The following YJEFN3 variants were observed in gnomAD, a reference collection of about 807,000 sequenced individuals.
The protein encoded by YJEFN3 is YjeF N-terminal domain containing 3.
Under a neutral mutation model 31.5 loss-of-function variants are expected in YJEFN3, and 29 were observed. The observed-to-expected ratio is 0.92, with a 90% confidence interval of 0.69 to 1.26. The LOEUF (loss-of-function observed/expected upper bound fraction) is 1.26. Ranked by LOEUF, YJEFN3 falls within the 50% of genes most tolerant of loss-of-function variation. The pLI is 0.00. For missense variants in YJEFN3, 442 were observed against 425.4 expected (o/e 1.04, Z -0.34); for synonymous variants, 227 against 196.1 (o/e 1.16, Z -1.32).
At chr19:19,529,795 T>C (rs997097685) in intron 2 of YJEFN3, among the ~76,000 whole-genome samples, 4 of 151,832 alleles carry the variant, frequency 2.6e-5, no homozygotes, top group African/African-American at 9.7e-5. Flanking sequence ...GTGAGGGGGC[T>C]CTCAGGGGTG....
At chr19:19,530,660 G>A (rs2061146606) in intron 2 of YJEFN3, among the ~76,000 whole-genome samples, 1 of 152,188 alleles carries the variant, frequency 6.6e-6, no homozygotes, top group East Asian at 1.9e-4. Context: ...TCCTCACCCC[G>A]AATGCAAACG....
chr19:19,529,337 C>T (rs1212793742), intron 1 of YJEFN3, 27 bp from the exon 2 acceptor site: 3 of 1,590,966 alleles, frequency 1.9e-6, no homozygotes, highest in Admixed American at 1.8e-5. Flanking sequence ...CCAACCGTGG[C>T]CCACCCCCAC....
chr19:19,533,415 C>T, intron 3 of YJEFN3: 1 of 986,600 alleles, frequency 1.0e-6, no homozygotes, highest in Non-Finnish European at 1.2e-6. Context: ...CTCTTCCTCC[C>T]CTGCCCTCCT....
intron 2 of YJEFN3, among the ~76,000 whole-genome samples, chr19:19,530,028 T>G (rs2061139721): frequency 6.6e-6 from 1 of 152,166 alleles, no homozygotes; most frequent in Non-Finnish European, 1.5e-5. Context: ...GGCCAGGTGA[T>G]CCCCCGTGGT....
intron 1 of YJEFN3, 91 bp downstream of exon 1, chr19:19,529,082 C>G (rs2144651111): frequency 6.6e-7 from 1 of 1,519,924 alleles, no homozygotes; most frequent in South Asian, 1.2e-5. Flanking sequence ...ATAGCTGGGA[C>G]AGAATGGGGT....
At chr19:19,535,740 C>A (rs765539006) in intron 6 of YJEFN3, 61 bp downstream of exon 6, 15 of 1,531,250 alleles carry the variant, frequency 9.8e-6, no homozygotes, top group Non-Finnish European at 1.3e-5. Context: ...GCCCCTGTGC[C>A]CCAGCTCCTG....
intron 2 of YJEFN3, among the ~76,000 whole-genome samples, chr19:19,530,777 A>AT (rs2061147898): frequency 6.6e-6 from 1 of 152,002 alleles, no homozygotes; most frequent in East Asian, 1.9e-4. Flanking sequence ...ACTTCATCCT[A>AT]TGTCAGCTGC....
At chr19:19,536,767 C>T (rs1048000003) in intron 6 of YJEFN3, among the ~76,000 whole-genome samples, 1 of 152,078 alleles carries the variant, frequency 6.6e-6, no homozygotes, top group Non-Finnish European at 1.5e-5. Context: ...GTCAGGAGTT[C>T]GAGACCAGCC....
At position 19,529,207 on chromosome 19, in the gene YJEFN3, C is replaced by T. The variant is rs1483931491; in HGVS notation, c.60-157C>T. On this transcript the variant is annotated intron_variant, in intron 1 of 6. Coordinates refer to ENST00000514277, the MANE Select transcript of YJEFN3 (RefSeq NM_198537.4). ...GACGGGCCTGGGAATCCCGGGAATCCGAGACCCTCCTGGCATCTTGCTGGA... is the reference window on the plus strand; with the variant it reads ...GACGGGCCTGGGAATCCCGGGAATCTGAGACCCTCCTGGCATCTTGCTGGA... 3 of 985,338 alleles carry T rather than the reference C, an allele frequency of 3.0e-6. No individual in the cohort carries two copies. In the Admixed American group the frequency reaches 1.8e-4, roughly 61 times the overall value. 61.0% of individuals were successfully genotyped at this position (985,338 alleles called of 1,614,324 possible).
At chr19:19,531,252 T>C (rs1343078246) in intron 2 of YJEFN3, among the ~76,000 whole-genome samples, 1 of 152,184 alleles carries the variant, frequency 6.6e-6, no homozygotes, top group East Asian at 1.9e-4. Context: ...TAGGTCTGGC[T>C]CTATGTCTTT....
chr19:19,534,938 GCCCCATCC>G lies in YJEFN3; in HGVS notation c.319-94_319-87del. On this transcript the variant is annotated intron_variant, in intron 3 of 6. Coordinates refer to ENST00000514277, the MANE Select transcript of YJEFN3 (RefSeq NM_198537.4). The surrounding 1 kb of genome is among the most constrained non-coding windows in gnomAD (Gnocchi z 4.6). ...CCTATCCTGTTGCCTCCAGGCCCAA[GCCCCATCC>G]CTTCCCCTACTCCGGGCCTCAGTTT... is the stretch of plus-strand genomic sequence containing the variant. The G allele has an allele frequency of 9.0e-7, 1 of 1,110,316 alleles. No homozygotes were observed. The highest frequency in any genetic ancestry group is 1.3e-6 in the Non-Finnish European group (1 of 791,190). 68.8% of individuals were successfully genotyped at this position (1,110,316 alleles called of 1,614,324 possible).
intron 6 of YJEFN3, chr19:19,535,898 T>G (rs1169514971): frequency 3.2e-5 from 21 of 661,742 alleles, no homozygotes; most frequent in Non-Finnish European, 5.3e-5. Context: ...TCCACCCCAG[T>G]GCCCAGCCCA....
Position 19,532,755 on chromosome 19 carries a change from A to G in YJEFN3, c.318+15A>G, listed in dbSNP as rs764444526. On this transcript the variant is annotated intron_variant, in intron 3 of 6. Coordinates refer to ENST00000514277, the MANE Select transcript of YJEFN3 (RefSeq NM_198537.4). ...CTGTGACCAAGGTACCTGACCCCTG[A>G]CCCCCAACCCTGACCCCAACCAGAC... The G allele has an allele frequency of 1.3e-6, 2 of 1,534,616 alleles. No individual in the cohort carries two copies. The highest frequency in any genetic ancestry group is 1.9e-5 in the Admixed American group (1 of 51,634).
chr19:19,529,871 C>T (rs541019954), intron 2 of YJEFN3, among the ~76,000 whole-genome samples: 1 of 152,264 alleles, frequency 6.6e-6, no homozygotes, highest in South Asian at 2.1e-4. Context: ...GCCTCTTAGG[C>T]ATGGTGAGGA....
At chr19:19,529,127 G>A in intron 1 of YJEFN3, 136 bp downstream of exon 1, 1 of 1,476,280 alleles carries the variant, frequency 6.8e-7, no homozygotes, top group Middle Eastern at 2.3e-4. Context: ...CGGGATGGAG[G>A]TTCAACGGCA....
chr19:19,529,306 T>A, intron 1 of YJEFN3, 58 bp from the exon 2 acceptor site: 4 of 1,556,032 alleles, frequency 2.6e-6, no homozygotes, highest in Non-Finnish European at 3.5e-6. Context: ...TCAGCAGCGC[T>A]GGTCGCTCCC....
chr19:19,532,121 C>T (rs926455870), intron 2 of YJEFN3, among the ~76,000 whole-genome samples: 1 of 152,214 alleles, frequency 6.6e-6, no homozygotes, highest in Non-Finnish European at 1.5e-5. Flanking sequence ...CCAAGGCCTC[C>T]CCGCTGAGTG....
In YJEFN3 at chr19:19,529,427, C is replaced by T. The variant is rs772227222; in HGVS notation, c.123C>T (p.Thr41=). ...GAGCGGAGCTTAGCTCAAATGCTAC[C>T]ACCTCCCTTGTCCAGAGGAGGAAAC... ...MGRAELSSNA[T]TSLVQRRKQA... The change falls in exon 2 of 7, where the codon ACC becomes ACT. Residue 41 remains threonine (T), a synonymous_variant. Transcript: ENST00000514277. 2.5e-6 allele frequency: 4 copies of T among 1,614,156 alleles called. No homozygotes were observed. The East Asian group carries it at 8.9e-5, about 36-fold the overall frequency.
rs770955093 is a variant in YJEFN3, at chr19:19,537,558, C to G, written c.*34C>G. On this transcript the variant is annotated 3_prime_UTR_variant, in exon 7 of 7. Coordinates refer to ENST00000514277, the MANE Select transcript of YJEFN3 (RefSeq NM_198537.4). ...CGCGGCCACACCGCAGGGACCCTCG[C>G]CAATAAACAGCCCTCCCACCACCGC... 8 of 1,495,388 alleles carry G rather than the reference C, an allele frequency of 5.3e-6. No homozygotes were observed. The highest frequency in any genetic ancestry group is 6.2e-6 in the Non-Finnish European group (7 of 1,122,132). 92.6% of individuals were successfully genotyped at this position (1,495,388 alleles called of 1,614,324 possible).
Sources: allele counts gnomAD v4.1 joint callset (sites outside exome capture counted in the v4.1 genomes callset), GRCh38; gene constraint gnomAD v4.1.1; non-coding constraint Gnocchi (gnomAD v3.1); transcripts MANE v1.5; gene names NCBI Gene and HGNC (gene_info 2026-07-23, HGNC 2026-07-21).